NTRK2: variants seen among roughly 807,000 people sequenced by gnomAD.
NTRK2 encodes the protein BDNF/NT-3 growth factors receptor.
A neutral mutation model predicts 94.5 loss-of-function variants in NTRK2; 13 were observed. The observed-to-expected ratio is 0.14, with a 90% CI of 0.09 to 0.22. The LOEUF is 0.22. Ranked by LOEUF, NTRK2 falls within the 10% of genes least tolerant of loss-of-function variation. The pLI, the probability that NTRK2 is intolerant of heterozygous loss-of-function variation, is 1.00. For synonymous variants in NTRK2, 372 were observed against 407.4 expected, an observed-to-expected ratio of 0.91 and a Z score of 1.05; for missense variants, 639 against 1,071.2, an observed-to-expected ratio of 0.60 and a Z score of 5.63.
intron 12 of NTRK2, among the ~76,000 whole-genome samples, chr9:84,807,192 T>C (rs1285037303): frequency 1.3e-5 from 2 of 152,236 alleles, no homozygotes; most frequent in Non-Finnish European, 2.9e-5. Context: ...TTATGGCTGA[T>C]TGCTTCTGAG....
chr9:84,798,912 C>CTATA (rs57167822), intron 12 of NTRK2, among the ~76,000 whole-genome samples: 6,520 of 127,542 alleles, frequency 0.051, 227 homozygotes, highest in Middle Eastern at 0.088. Flanking sequence ...CTTCTAAGTG[C>CTATA]TATATATATA....
At chr9:84,703,061 G>A (rs1239629449) in intron 4 of NTRK2, among the ~76,000 whole-genome samples, 1 of 152,174 alleles carries the variant, frequency 6.6e-6, no homozygotes, top group African/African-American at 2.4e-5. Context: ...TCTAGATGAT[G>A]GCATTTAAGT....
chr9:84,975,141 G>A (rs1181985225), intron 17 of NTRK2, among the ~76,000 whole-genome samples: 2 of 152,168 alleles, frequency 1.3e-5, no homozygotes, highest in Admixed American at 1.3e-4. Context: ...AGTTCTCAGA[G>A]GAAGGAAGGT....
chr9:84,675,495 C>A (rs1452882719), intron 2 of NTRK2, among the ~76,000 whole-genome samples: 1 of 152,044 alleles, frequency 6.6e-6, no homozygotes, highest in Non-Finnish European at 1.5e-5. Flanking sequence ...TAGAGAGTTT[C>A]TTGTAGGTTC....
At chr9:84,793,519 C>T (rs1047995534) in intron 12 of NTRK2, among the ~76,000 whole-genome samples, 1 of 152,154 alleles carries the variant, frequency 6.6e-6, no homozygotes, top group African/African-American at 2.4e-5. Flanking sequence ...CAACCGAGTC[C>T]CACAAACACC....
At chr9:84,844,471 CTT>C (rs888404088) in intron 12 of NTRK2, among the ~76,000 whole-genome samples, 2 of 152,116 alleles carry the variant, frequency 1.3e-5, no homozygotes, top group East Asian at 1.9e-4. Context: ...CTATTCTTCT[CTT>C]GTTATATTTG....
chr9:85,022,423 A>G lies in NTRK2; in HGVS notation c.*986A>G. 4.3e-6 allele frequency: 1 copy of G among 233,222 alleles called. No homozygotes were observed. Among genetic ancestry groups the G allele is most frequent in the Non-Finnish European group, 8.5e-6 (1 of 118,004 alleles). 14.4% of individuals were successfully genotyped at this position (233,222 alleles called of 1,614,324 possible). A position where few individuals can be genotyped will look rare whatever the true frequency, so the allele number is the denominator to read the frequency against. On this transcript the variant is annotated 3_prime_UTR_variant, in exon 19 of 19. Transcript: ENST00000277120. ...TTGTTTCTCAAGCGCTATCCACAGA[A>G]CCTTTGTCAACTTCAGTTGAAAAGA...
At chr9:84,810,552 G>A (rs770977187) in intron 12 of NTRK2, 1 of 1,613,584 alleles carries the variant, frequency 6.2e-7, no homozygotes, top group Non-Finnish European at 8.5e-7. Flanking sequence ...GTTTTGTTTT[G>A]TTTCATAAGA....
At chr9:84,912,564 T>C (rs777791593) in intron 14 of NTRK2, among the ~76,000 whole-genome samples, 1 of 151,640 alleles carries the variant, frequency 6.6e-6, no homozygotes, top group Non-Finnish European at 1.5e-5. Flanking sequence ...TCCTTTGCTT[T>C]GATTAATGTT....
intron 2 of NTRK2, among the ~76,000 whole-genome samples, chr9:84,691,921 C>T (rs1412681542): frequency 6.6e-6 from 1 of 152,158 alleles, no homozygotes; most frequent in Non-Finnish European, 1.5e-5. Flanking sequence ...CTGCAGAGGG[C>T]ACCCCAAGTC....
intron 16 of NTRK2, among the ~76,000 whole-genome samples, chr9:84,949,024 C>T (rs1328195640): frequency 6.6e-6 from 1 of 151,990 alleles, no homozygotes; most frequent in African/African-American, 2.4e-5. Flanking sequence ...AAATTGCAGT[C>T]CAGTGAGAGT....
intron 12 of NTRK2, among the ~76,000 whole-genome samples, chr9:84,761,247 G>T (rs2065537033): frequency 6.6e-6 from 1 of 152,096 alleles, no homozygotes; most frequent in Non-Finnish European, 1.5e-5. Flanking sequence ...TGAAGCAGAA[G>T]AGTCATCTCT....
chr9:84,821,360 GA>G (rs1168164724), intron 12 of NTRK2, among the ~76,000 whole-genome samples: 9 of 151,552 alleles, frequency 5.9e-5, no homozygotes, highest in African/African-American at 2.2e-4. Context: ...TATGGAATAG[GA>G]ATACCATGTA....
chr9:84,679,773 G>T (rs975893880), intron 2 of NTRK2, among the ~76,000 whole-genome samples: 7 of 152,170 alleles, frequency 4.6e-5, no homozygotes, highest in Admixed American at 2.0e-4. Context: ...TCTTTTGGTG[G>T]CTAAACAGCA....
intron 2 of NTRK2, among the ~76,000 whole-genome samples, chr9:84,695,208 A>C (rs1258726564): frequency 1.3e-5 from 2 of 152,170 alleles, no homozygotes. Context: ...AGCTGCTTCC[A>C]TTTCATTTTG....
chr9:84,861,374 G>T (rs1564400087), intron 13 of NTRK2, among the ~76,000 whole-genome samples: 1 of 152,164 alleles, frequency 6.6e-6, no homozygotes, highest in Non-Finnish European at 1.5e-5. Context: ...TTTTAAGAAG[G>T]TTAAGGAAAT....
chr9:84,768,737 T>C (rs1430740455), intron 12 of NTRK2, among the ~76,000 whole-genome samples: 2 of 152,084 alleles, frequency 1.3e-5, no homozygotes, highest in Non-Finnish European at 2.9e-5. Context: ...GAGAGCTCAG[T>C]ATGGAACTGG....
At chr9:84,997,310 G>A (rs1829871079) in intron 17 of NTRK2, among the ~76,000 whole-genome samples, 1 of 152,124 alleles carries the variant, frequency 6.6e-6, no homozygotes, top group Non-Finnish European at 1.5e-5. Flanking sequence ...TGGGGGTCAA[G>A]AAGAAGTTAA....
chr9:84,884,471 T>TA (rs1431184117), intron 14 of NTRK2, among the ~76,000 whole-genome samples: 2 of 152,138 alleles, frequency 1.3e-5, no homozygotes, highest in Non-Finnish European at 2.9e-5. Flanking sequence ...TAGACTTTTT[T>TA]AAAAAAAGAA....
Sources: gnomAD v4.1 joint callset for allele counts (sites outside exome capture counted in the v4.1 genomes callset) on GRCh38, gnomAD v4.1.1 for gene constraint, MANE v1.5 for transcripts, NCBI Gene and HGNC (gene_info 2026-07-23, HGNC 2026-07-21) for gene names.